The following DCP1A variants were observed in gnomAD, a reference collection of about 807,000 sequenced individuals.
DCP1A encodes the protein mRNA-decapping enzyme 1A.
Under a neutral mutation model 58.0 loss-of-function variants are expected in DCP1A, and 20 were observed. The ratio of observed to expected loss-of-function variants is 0.34; its 90% CI spans 0.24 to 0.50. The LOEUF is 0.50. Ranked by LOEUF, DCP1A falls within the 20% of genes least tolerant of loss-of-function variation. DCP1A has a pLI of 0.98. For missense variants in DCP1A, 613 were observed against 712.2 expected (o/e 0.86, Z 1.59); for synonymous variants, 285 against 275.1 (o/e 1.04, Z -0.36).
At position 53,304,301 on chromosome 3, in the gene DCP1A, T is replaced by G. The variant is rs782191406; in HGVS notation, c.511-11A>C. 8.1e-6 allele frequency: 13 copies of G among 1,596,668 alleles called. No individual in the cohort carries two copies. The African/African-American group carries it at 1.8e-4, about 22-fold the overall frequency. ...GTCACCCATCTGATTCTTTAAAAAG[T>G]TAAAAGAAAAAAATATATCTTGTGA... is the stretch of plus-strand genomic sequence containing the variant. On this transcript the variant is annotated splice_polypyrimidine_tract_variant and intron_variant, in intron 5 of 9. Transcript: ENST00000610213.
At chr3:53,315,190 T>C (rs1263293863) in intron 4 of DCP1A, among the ~76,000 whole-genome samples, 3 of 152,182 alleles carry the variant, frequency 2.0e-5, no homozygotes, top group Non-Finnish European at 2.9e-5. Flanking sequence ...CCATGAGTTC[T>C]CCAAAGTTTA....
At chr3:53,336,374 T>C (rs2089116014) in intron 3 of DCP1A, among the ~76,000 whole-genome samples, 1 of 152,244 alleles carries the variant, frequency 6.6e-6, no homozygotes, top group Non-Finnish European at 1.5e-5. Flanking sequence ...CCCAAAGTGT[T>C]GGGATTTCAG....
chr3:53,327,574 G>C (rs141622162), intron 3 of DCP1A, among the ~76,000 whole-genome samples: 10 of 152,188 alleles, frequency 6.6e-5, no homozygotes, highest in Admixed American at 2.0e-4. Flanking sequence ...TGGATCACTT[G>C]AGGCCAGGAG....
At chr3:53,333,620 A>G (rs1460384939) in intron 3 of DCP1A, among the ~76,000 whole-genome samples, 1 of 151,918 alleles carries the variant, frequency 6.6e-6, no homozygotes. Flanking sequence ...CTGGGCAATA[A>G]AGCAAAACCC....
chr3:53,292,298 G>A lies in DCP1A; in HGVS notation c.1154C>T (p.Ala385Val), dbSNP rs1351418193. The change falls in exon 7 of 10, where the codon GCT becomes GTT. Residue 385 changes from alanine (A) to valine (V), a missense_variant. Transcript: ENST00000610213. ...ATCAACGCTTGGGAGGGATGTGCCA[G>A]CTGTGTTCGTCACGTTCAATGGGGC... ...FRAPLNVTNT[A>V]GTSLPSVDLL... 6.2e-7 allele frequency: 1 copy of A among 1,613,930 alleles called. No homozygotes were observed. Among genetic ancestry groups the A allele is most frequent in the Admixed American group, 1.7e-5 (1 of 60,022 alleles).
chr3:53,299,974 T>C (rs1707259603), intron 6 of DCP1A, among the ~76,000 whole-genome samples: 1 of 152,104 alleles, frequency 6.6e-6, no homozygotes, highest in Non-Finnish European at 1.5e-5. Flanking sequence ...TTCAAGCAAT[T>C]CTCCTGCCTC....
chr3:53,341,038 T>C (rs911071074), intron 3 of DCP1A, among the ~76,000 whole-genome samples: 2 of 151,936 alleles, frequency 1.3e-5, no homozygotes, highest in African/African-American at 2.4e-5. Context: ...TGGTAACCAG[T>C]AGACACTCAA....
Position 53,286,514 on chromosome 3 carries a change from C to T in DCP1A, c.*1066G>A, listed in dbSNP as rs1482785316. 2.0e-5 allele frequency: 3 copies of T among 152,194 alleles called. No homozygotes were observed. Among genetic ancestry groups the T allele is most frequent in the African/African-American group, 7.2e-5 (3 of 41,444 alleles). 9.4% of individuals were successfully genotyped at this position (152,194 alleles called of 1,614,324 possible). On this transcript the variant is annotated 3_prime_UTR_variant, in exon 10 of 10. Coordinates refer to ENST00000610213, the MANE Select transcript of DCP1A (RefSeq NM_018403.7). ...CAAAGCTTCTTTACATATTTTCACA[C>T]TTTGGGCCGGGAAAGTACTCACAGC... is the stretch of plus-strand genomic sequence containing the variant.
At chr3:53,328,533 A>T (rs73082274) in intron 3 of DCP1A, among the ~76,000 whole-genome samples, 24,987 of 152,018 alleles carry the variant, frequency 0.16, 2,533 homozygotes, top group Middle Eastern at 0.28. Context: ...AAAAAAAAAA[A>T]GATAAAAAGT....
chr3:53,329,132 G>A lies in DCP1A; in HGVS notation c.305-9659C>T, dbSNP rs78246232. ...CTTATCTTGTAAGGAAATTTCTTGC[G>A]CTGTGCTTTAAAAGTCTGAAGATTT... is the stretch of plus-strand genomic sequence containing the variant. On this transcript the variant is annotated intron_variant, in intron 3 of 9. Coordinates refer to ENST00000610213, the MANE Select transcript of DCP1A (RefSeq NM_018403.7). 1,094 of 383,428 alleles carry A rather than the reference G, an allele frequency of 2.9e-3. 7 individuals are homozygous for A. The highest frequency in any genetic ancestry group is 0.019 in the African/African-American group (941 of 48,406). The allele number at this position is 383,428 out of a possible 1,614,324, so 23.8% of individuals were successfully genotyped here.
Position 53,330,534 on chromosome 3 carries a change from AAAAG to A in DCP1A, c.305-11065_305-11062del, listed in dbSNP as rs1171341347. 5.3e-5 allele frequency among the ~76,000 whole-genome samples: 8 copies of A among 152,164 alleles called. No individual in the cohort carries two copies. The East Asian group carries it at 1.2e-3, about 22-fold the overall frequency. ...GAGACCTTGTCTCAGAAAAAAAAAAAAAAGAATCTTCACCCTTACCAAGAAGGCA... is the reference window on the plus strand; with the variant it reads ...GAGACCTTGTCTCAGAAAAAAAAAAAAATCTTCACCCTTACCAAGAAGGCA... On this transcript the variant is annotated intron_variant, in intron 3 of 9. Transcript: ENST00000610213.
At chr3:53,309,517 TG>T (rs1707582421) in intron 5 of DCP1A, among the ~76,000 whole-genome samples, 1 of 152,184 alleles carries the variant, frequency 6.6e-6, no homozygotes. Context: ...TCCAGCACTT[TG>T]GGAGGCCAAG....
chr3:53,304,690 A>G (rs1325373704), intron 5 of DCP1A, among the ~76,000 whole-genome samples: 1 of 151,758 alleles, frequency 6.6e-6, no homozygotes, highest in Non-Finnish European at 1.5e-5. Context: ...CTCCTGCCTC[A>G]GCCTCCCGAG....
intron 8 of DCP1A, among the ~76,000 whole-genome samples, chr3:53,289,238 G>A (rs1275619414): frequency 6.6e-6 from 1 of 151,156 alleles, no homozygotes; most frequent in Non-Finnish European, 1.5e-5. Flanking sequence ...TGGGGTTACA[G>A]GCATGAGCCA....
At chr3:53,339,698 T>C (rs912338119) in intron 3 of DCP1A, among the ~76,000 whole-genome samples, 1 of 152,220 alleles carries the variant, frequency 6.6e-6, no homozygotes, top group South Asian at 2.1e-4. Context: ...TGTCACACTT[T>C]CAATTTCACA....
intron 5 of DCP1A, among the ~76,000 whole-genome samples, chr3:53,308,618 CAG>C (rs764417420): frequency 5.9e-5 from 9 of 152,042 alleles, no homozygotes; most frequent in Non-Finnish European, 8.8e-5. Context: ...TTTTAAGAAA[CAG>C]AGTCTTGCTG....
intron 6 of DCP1A, among the ~76,000 whole-genome samples, chr3:53,297,311 G>C (rs1470917676): frequency 6.6e-6 from 1 of 151,248 alleles, no homozygotes; most frequent in Non-Finnish European, 1.5e-5. Context: ...AAAACAAATG[G>C]GTCAGGTTTC....
At position 53,284,173 on chromosome 3, in the gene DCP1A, GC is replaced by G. The variant is rs1706538816; in HGVS notation, c.*3406del. The G allele has an allele frequency of 2.0e-5, 3 of 152,240 alleles. No homozygotes were observed. The allele number at this position is 152,240 out of a possible 1,614,324, so 9.4% of individuals were successfully genotyped here. A position where few individuals can be genotyped will look rare whatever the true frequency, so the allele number is the denominator to read the frequency against. ...AGTTCTCCTCACTCACACGGGCTGA[GC>G]CCACTCGTGCCTGTGCCACCTCTCA... On this transcript the variant is annotated 3_prime_UTR_variant, in exon 10 of 10. Transcript: ENST00000610213.
At chr3:53,325,771 G>C (rs1708088591) in intron 3 of DCP1A, among the ~76,000 whole-genome samples, 1 of 152,136 alleles carries the variant, frequency 6.6e-6, no homozygotes, top group Admixed American at 6.6e-5. Flanking sequence ...AAAGGCTCTA[G>C]GATAGAGGGG....
Sources: allele counts gnomAD v4.1 joint callset (sites outside exome capture counted in the v4.1 genomes callset), GRCh38; gene constraint gnomAD v4.1.1; transcripts MANE v1.5; gene names NCBI Gene and HGNC (gene_info 2026-07-23, HGNC 2026-07-21).